The following STAG1 variants were observed in gnomAD, a reference collection of about 807,000 sequenced individuals.
STAG1 encodes STAG1 cohesin complex component, also known as cohesin subunit SA-1.
STAG1 carries 26 observed loss-of-function variants against 170.9 expected under a neutral mutation model. The ratio of observed to expected loss-of-function variants is 0.15; its 90% CI spans 0.11 to 0.21. STAG1 has a LOEUF of 0.21. STAG1 is among the 10% of genes least tolerant of loss of function. STAG1 has a pLI of 1.00. For synonymous variants in STAG1, 514 were observed against 497.7 expected (o/e 1.03, Z -0.44); for missense variants, 964 against 1,509.5 (o/e 0.64, Z 5.99).
intron 6 of STAG1, among the ~76,000 whole-genome samples, chr3:136,537,788 G>A (rs964248652): frequency 4.6e-5 from 7 of 151,906 alleles, no homozygotes; most frequent in African/African-American, 9.7e-5. Context: ...GAGTCACTGC[G>A]CCTGGCCAAT....
At chr3:136,649,503 C>CAAAAAAAAAAAAAAAAAAAAA (rs761067087) in intron 1 of STAG1, among the ~76,000 whole-genome samples, 3 of 70,866 alleles carry the variant, frequency 4.2e-5, no homozygotes, top group Non-Finnish European at 6.1e-5. Context: ...AAAACAGAAA[C>CAAAAAAAAAAAAAAAAAAAAA]AAAAAAAAAA....
At chr3:136,594,623 A>G (rs1443739285) in intron 4 of STAG1, among the ~76,000 whole-genome samples, 1 of 152,228 alleles carries the variant, frequency 6.6e-6, no homozygotes, top group Non-Finnish European at 1.5e-5. Context: ...TTTTAATTGT[A>G]TATTAATAGA....
chr3:136,446,186 T>C (rs2088772196), intron 14 of STAG1, among the ~76,000 whole-genome samples: 1 of 152,210 alleles, frequency 6.6e-6, no homozygotes, highest in Non-Finnish European at 1.5e-5. Flanking sequence ...AACTAATTAA[T>C]AGATATTTGC....
Position 136,485,902 on chromosome 3 carries a change from T to A in STAG1, c.903-8490A>T, listed in dbSNP as rs1576519230. On this transcript the variant is annotated intron_variant, in intron 9 of 33. Coordinates refer to ENST00000383202, the MANE Select transcript of STAG1 (RefSeq NM_005862.3). ...TTTCTATAAACAATTATAAATTACA[T>A]ATTCTCTCATAAATGGAAATTTAAG... Among the ~76,000 whole-genome samples the A allele has an allele frequency of 2.0e-5, 3 of 152,344 alleles. No homozygotes were observed. The East Asian group carries it at 5.8e-4, about 29-fold the overall frequency.
At chr3:136,340,362 TC>T (rs1935919533) in intron 32 of STAG1, 128 bp downstream of exon 32, 4 of 595,878 alleles carry the variant, frequency 6.7e-6, no homozygotes, top group Non-Finnish European at 1.2e-5. Flanking sequence ...CCTCAGGTGA[TC>T]CACCCACCTC....
intron 3 of STAG1, among the ~76,000 whole-genome samples, chr3:136,622,471 T>A (rs2107830253): frequency 6.6e-6 from 1 of 152,266 alleles, no homozygotes; most frequent in South Asian, 2.1e-4. Flanking sequence ...CATGATTTGA[T>A]AAATGCTAAA....
intron 9 of STAG1, among the ~76,000 whole-genome samples, chr3:136,478,894 G>A (rs1162933780): frequency 1.3e-5 from 2 of 151,948 alleles, no homozygotes; most frequent in Admixed American, 1.3e-4. Context: ...GTGTGACCTT[G>A]GGTATTTCCC....
intron 4 of STAG1, among the ~76,000 whole-genome samples, chr3:136,589,932 A>G (rs1399005687): frequency 6.6e-6 from 1 of 151,968 alleles, no homozygotes; most frequent in African/African-American, 2.4e-5. Flanking sequence ...TTCCATCTCA[A>G]AAAATAAAAA....
chr3:136,344,439 G>T (rs373812246), intron 29 of STAG1, among the ~76,000 whole-genome samples: 3 of 152,088 alleles, frequency 2.0e-5, no homozygotes, highest in South Asian at 4.1e-4. Flanking sequence ...ATTAAAGTCT[G>T]ACTGGCTTTT....
Position 136,338,545 on chromosome 3 carries a change from TATGGAAC to T in STAG1, c.3673-102_3673-96del, listed in dbSNP as rs1935801787. The T allele has an allele frequency of 4.6e-6, 4 of 861,680 alleles. No homozygotes were observed. The East Asian group carries it at 1.0e-4, about 22-fold the overall frequency. The allele number at this position is 861,680 out of a possible 1,614,324, so 53.4% of individuals were successfully genotyped here. ...AATATTTCTGACAGTATCATAAATA[TATGGAAC>T]TGCTAAGAGTCAATTTTGAAAGGAA... On this transcript the variant is annotated intron_variant, in intron 32 of 33. Coordinates refer to ENST00000383202, the MANE Select transcript of STAG1 (RefSeq NM_005862.3).
chr3:136,659,166 T>A (rs912018216), intron 1 of STAG1, among the ~76,000 whole-genome samples: 1 of 152,164 alleles, frequency 6.6e-6, no homozygotes, highest in Non-Finnish European at 1.5e-5. Context: ...TGTGAAAGTG[T>A]TTCTTTAAAC....
At chr3:136,595,818 T>A (rs1477711800) in intron 4 of STAG1, among the ~76,000 whole-genome samples, 1 of 150,996 alleles carries the variant, frequency 6.6e-6, no homozygotes, top group Non-Finnish European at 1.5e-5. Flanking sequence ...CAAATCATCA[T>A]CTAAATTGCT....
chr3:136,653,291 C>A (rs1259507820), intron 1 of STAG1, among the ~76,000 whole-genome samples: 3 of 150,486 alleles, frequency 2.0e-5, no homozygotes, highest in African/African-American at 4.9e-5. Flanking sequence ...AAAAGAAAAG[C>A]AAAGAAAAAA....
intron 22 of STAG1, among the ~76,000 whole-genome samples, chr3:136,385,837 G>C (rs1358530190): frequency 6.6e-6 from 1 of 152,034 alleles, no homozygotes; most frequent in Non-Finnish European, 1.5e-5. Context: ...AAGGGGCTGG[G>C]AATATAGATG....
chr3:136,518,731 C>T (rs9878078), intron 7 of STAG1, among the ~76,000 whole-genome samples: 26,889 of 151,976 alleles, frequency 0.18, 2,901 homozygotes, highest in Non-Finnish European at 0.24. Flanking sequence ...TCCGTATAAA[C>T]GTATGTTGTT....
At chr3:136,440,983 C>T (rs767382578) in intron 15 of STAG1, among the ~76,000 whole-genome samples, 20 of 151,120 alleles carry the variant, frequency 1.3e-4, no homozygotes, top group Non-Finnish European at 2.9e-4. Context: ...GACAGTTTCA[C>T]CTAGTGAGCA....
intron 13 of STAG1, among the ~76,000 whole-genome samples, chr3:136,461,955 T>A (rs531807695): frequency 6.6e-6 from 1 of 152,238 alleles, no homozygotes; most frequent in South Asian, 2.1e-4. Flanking sequence ...GTGCTCTCAT[T>A]ATTTATTATA....
intron 4 of STAG1, 78 bp downstream of exon 4, chr3:136,604,231 C>T: frequency 7.7e-7 from 1 of 1,293,736 alleles, no homozygotes; most frequent in Non-Finnish European, 1.1e-6. Flanking sequence ...ATATAAAGTG[C>T]CAATATACAC....
intron 4 of STAG1, among the ~76,000 whole-genome samples, chr3:136,595,278 A>G (rs1250016514): frequency 6.6e-6 from 1 of 152,128 alleles, no homozygotes; most frequent in East Asian, 1.9e-4. Context: ...ATCCTCCAAT[A>G]CCTATATTCA....
Sources: allele counts gnomAD v4.1 joint callset (sites outside exome capture counted in the v4.1 genomes callset), GRCh38; gene constraint gnomAD v4.1.1; transcripts MANE v1.5; gene names NCBI Gene and HGNC (gene_info 2026-07-23, HGNC 2026-07-21).